Variants in HIF3A observed in about 807,000 individuals in gnomAD.
HIF3A encodes hypoxia-inducible factor 3-alpha.
A neutral mutation model predicts 67.2 loss-of-function variants in HIF3A; 41 were observed. The observed-to-expected ratio is 0.61, with a 90% CI of 0.48 to 0.79. The LOEUF (loss-of-function observed/expected upper bound fraction) is 0.79. HIF3A is among the 30% of genes least tolerant of loss of function. The pLI is 0.00. For missense variants in HIF3A, 855 were observed against 898.0 expected (o/e 0.95, Z 0.61); for synonymous variants, 356 against 374.8 (o/e 0.95, Z 0.58).
chr19:46,297,093 AGC>A lies in HIF3A; in HGVS notation c.22_23del (p.Ala8LysfsTer123), dbSNP rs751416301. Reference sequence around the variant, plus strand: ...TGGCGAGCCATGGCGCTGGGGCTGCAGCGCGCAAGGTACTGAAGTTCGGGGGC... The same window carrying A: ...TGGCGAGCCATGGCGCTGGGGCTGCAGCGCAAGGTACTGAAGTTCGGGGGC... On this transcript the variant is annotated frameshift_variant, in exon 1 of 15. Transcript: ENST00000377670. LOFTEE classifies it high-confidence loss of function. This position sits in a 1 kb window ranked among gnomAD's most constrained non-coding sequence, Gnocchi z 4.5. 8.6e-7 allele frequency: 1 copy of A among 1,164,960 alleles called. No homozygotes were observed. Among genetic ancestry groups the A allele is most frequent in the Non-Finnish European group, 1.1e-6 (1 of 928,060 alleles). The allele number at this position is 1,164,960 out of a possible 1,614,324, so 72.2% of individuals were successfully genotyped here.
chr19:46,338,488 C>T (rs986553482), intron 14 of HIF3A: 1 of 1,147,926 alleles, frequency 8.7e-7, no homozygotes, highest in African/African-American at 1.7e-5. Flanking sequence ...CTGGTATGAA[C>T]CACCACGCCC....
chr19:46,308,294 C>A lies in HIF3A; in HGVS notation c.437C>A (p.Thr146Asn), dbSNP rs761616607. 1.9e-6 allele frequency: 3 copies of A among 1,608,764 alleles called. No homozygotes were observed. The highest frequency in any genetic ancestry group is 2.2e-5 in the East Asian group (1 of 44,790). ...CDQEELQDAL[T>N]PQQTLSRRKV... The stretch of plus-strand genomic sequence containing the variant: ...CAAGAGGAGCTTCAGGACGCCCTGA[C>A]CCCCCAGCAGAGTGAGTTCCCTGGA... Residue 146 changes from threonine (T) to asparagine (N), a missense_variant, in exon 4 of 15, where the codon ACC becomes AAC. This residue lies in a region of HIF3A where 638 missense variants were observed against 660.5 expected (regional missense o/e 0.97). Coordinates refer to ENST00000377670, the MANE Select transcript of HIF3A (RefSeq NM_152795.4).
At chr19:46,338,165 A>G in intron 14 of HIF3A, 2 of 454,050 alleles carry the variant, frequency 4.4e-6, no homozygotes, top group Admixed American at 4.7e-5. Context: ...CACCTGGCAC[A>G]GTGCCTGACA....
intron 7 of HIF3A, 119 bp from the exon 8 acceptor site, chr19:46,312,387 C>G: frequency 6.2e-7 from 1 of 1,609,342 alleles, no homozygotes; most frequent in Non-Finnish European, 8.5e-7. Flanking sequence ...CACCAGCTCC[C>G]TGCTCCCCAA....
At position 46,303,882 on chromosome 19, in the gene HIF3A, C is replaced by A; in HGVS notation, c.27-16C>A. ...TTTCCCGAGTCACCACCAGTGAATGCTGCCCATGCCCTCAGGTCGACCACG... is the reference window on the plus strand; with the variant it reads ...TTTCCCGAGTCACCACCAGTGAATGATGCCCATGCCCTCAGGTCGACCACG... On this transcript the variant is annotated splice_polypyrimidine_tract_variant and intron_variant, in intron 1 of 14. Coordinates refer to ENST00000377670, the MANE Select transcript of HIF3A (RefSeq NM_152795.4). 1 of 1,604,200 alleles carries A rather than the reference C, an allele frequency of 6.2e-7. No individual in the cohort carries two copies. The highest frequency in any genetic ancestry group is 8.5e-7 in the Non-Finnish European group (1 of 1,175,802).
At chr19:46,307,581 C>T (rs1477013771) in intron 3 of HIF3A, among the ~76,000 whole-genome samples, 2 of 152,044 alleles carry the variant, frequency 1.3e-5, no homozygotes, top group Non-Finnish European at 2.9e-5. Context: ...AACCCCGTCT[C>T]TACTAAAAAT....
chr19:46,332,550 AAAT>A (rs1311384999), intron 13 of HIF3A, among the ~76,000 whole-genome samples: 2 of 152,004 alleles, frequency 1.3e-5, no homozygotes, highest in African/African-American at 4.8e-5. Context: ...AAAAAAATAA[AAAT>A]AAAAAAGCCA....
intron 1 of HIF3A, chr19:46,303,541 CCTCCCAGCAGG>C: frequency 2.9e-6 from 4 of 1,380,204 alleles, no homozygotes; most frequent in Non-Finnish European, 2.9e-6. Flanking sequence ...CAGCCAGCCC[CCTCCCAGCAGG>C]GGCCCTCCCT....
At chr19:46,302,359 T>C (rs1201028018) in intron 1 of HIF3A, among the ~76,000 whole-genome samples, 1 of 152,166 alleles carries the variant, frequency 6.6e-6, no homozygotes, top group African/African-American at 2.4e-5. Flanking sequence ...CTCGATCTCC[T>C]GACCTCGTGA....
intron 3 of HIF3A, among the ~76,000 whole-genome samples, chr19:46,307,825 G>A (rs1403837376): frequency 1.3e-5 from 2 of 152,082 alleles, no homozygotes; most frequent in Non-Finnish European, 2.9e-5. Flanking sequence ...GGAGGCTGAG[G>A]TGGGAGGATC....
At chr19:46,330,355 G>C (rs1425374156) in intron 12 of HIF3A, among the ~76,000 whole-genome samples, 1 of 152,196 alleles carries the variant, frequency 6.6e-6, no homozygotes. Context: ...ATGTATGTGT[G>C]TATGTCTGGA....
chr19:46,300,458 C>T (rs1429626562), intron 1 of HIF3A, among the ~76,000 whole-genome samples: 2 of 152,104 alleles, frequency 1.3e-5, no homozygotes, highest in African/African-American at 4.8e-5. Context: ...GTCAGGAGTT[C>T]GAGACCAGCC....
intron 6 of HIF3A, 124 bp downstream of exon 6, chr19:46,309,483 CTTT>C: frequency 4.8e-6 from 3 of 628,236 alleles, no homozygotes; most frequent in Non-Finnish European, 8.2e-6. Context: ...CTCTCTCTCT[CTTT>C]GTGTGCCTGC....
chr19:46,298,459 G>T lies in HIF3A; in HGVS notation c.26+1357G>T, dbSNP rs527487022. ...CTCGCACCCGGGTCCTGGCTGCACCGCATCCCCTCCTGCACCCCCTGGATG... is the reference window on the plus strand; with the variant it reads ...CTCGCACCCGGGTCCTGGCTGCACCTCATCCCCTCCTGCACCCCCTGGATG... On this transcript the variant is annotated intron_variant, in intron 1 of 14. Coordinates refer to ENST00000377670, the MANE Select transcript of HIF3A (RefSeq NM_152795.4). 2.3e-5 allele frequency: 30 copies of T among 1,286,338 alleles called. No homozygotes were observed. The South Asian group carries it at 3.5e-4, about 15-fold the overall frequency. The allele number at this position is 1,286,338 out of a possible 1,614,324, so 79.7% of individuals were successfully genotyped here.
chr19:46,308,527 C>A, intron 4 of HIF3A, 136 bp from the exon 5 acceptor site: 1 of 646,422 alleles, frequency 1.5e-6, no homozygotes, highest in Non-Finnish European at 2.7e-6. Context: ...ACATACTACC[C>A]CTGGGGGACC....
At chr19:46,308,596 G>GTGCC in intron 4 of HIF3A, 67 bp from the exon 5 acceptor site, 1 of 934,466 alleles carries the variant, frequency 1.1e-6, no homozygotes, top group Non-Finnish European at 1.6e-6. Flanking sequence ...AGCAGCCAGG[G>GTGCC]TGCCGGAGGG....
intron 14 of HIF3A, 113 bp downstream of exon 14, chr19:46,335,099 C>A: frequency 1.3e-6 from 1 of 743,084 alleles, no homozygotes; most frequent in East Asian, 2.8e-5. Context: ...TGGAGGTGAC[C>A]TTGGTGGAAA....
At chr19:46,304,204 G>A (rs904658064) in intron 2 of HIF3A, 116 bp downstream of exon 2, 4 of 863,662 alleles carry the variant, frequency 4.6e-6, no homozygotes, top group South Asian at 1.7e-5. Context: ...CCCGCCCCCT[G>A]GTGTCGTTTT....
rs375091686 is a variant in HIF3A at position 46,339,534 on chromosome 19, C to T, written c.1922C>T (p.Pro641Leu). ...LNLNEPLGLG[P>L]SLLSPYSDED... Reference sequence around the variant, plus strand: ...TCTTTCATCTTTGCAGGCCTGGGCCCCTCACTGCTCTCTCCGTACTCAGAC... The same window carrying T: ...TCTTTCATCTTTGCAGGCCTGGGCCTCTCACTGCTCTCTCCGTACTCAGAC... The change falls in exon 15 of 15, where the codon CCC (proline) becomes CTC (leucine). Residue 641 changes from proline to leucine, a missense_variant. Transcript: ENST00000377670. The T allele has an allele frequency of 2.5e-6, 4 of 1,589,740 alleles. No homozygotes were observed. The African/African-American group carries it at 5.4e-5, about 21-fold the overall frequency.
Sources: allele counts gnomAD v4.1 joint callset (sites outside exome capture counted in the v4.1 genomes callset), GRCh38; gene constraint gnomAD v4.1.1; regional missense constraint gnomAD v4.1.1; non-coding constraint Gnocchi (gnomAD v3.1); transcripts MANE v1.5; gene names NCBI Gene and HGNC (gene_info 2026-07-23, HGNC 2026-07-21).